Variants in RNF17 observed in about 807,000 individuals in gnomAD.
RNF17 encodes the protein spermatogenesis associated 23.
A neutral mutation model predicts 200.5 loss-of-function variants in RNF17; 31 were observed. The ratio of observed to expected loss-of-function variants is 0.15; its 90% CI spans 0.12 to 0.21. RNF17 has a LOEUF of 0.21. RNF17 is among the 10% of genes least tolerant of loss of function. RNF17 has a pLI of 1.00. For missense variants in RNF17, 1,628 were observed against 1,905.1 expected, an observed-to-expected ratio of 0.85 and a Z score of 2.71; for synonymous variants, 606 against 637.8, an observed-to-expected ratio of 0.95 and a Z score of 0.75.
chr13:24,759,890 C>T (rs149963508), upstream of RNF17, among the ~76,000 whole-genome samples: 11,630 of 152,210 alleles, frequency 0.076, 514 homozygotes, highest in South Asian at 0.15. Context: ...CCTGTAATCC[C>T]AGCACTTTGG....
chr13:24,788,522 T>C lies in RNF17; in HGVS notation c.783+363T>C, dbSNP rs80276368. 5.3e-3 allele frequency among the ~76,000 whole-genome samples: 801 copies of C among 152,212 alleles called. 6 individuals carry two copies. The highest frequency in any genetic ancestry group is 0.018 in the African/African-American group (739 of 41,548). ...GGACAAATAAGGGTAGCAAACTGAA[T>C]AGGACTCTATTTTGTTCACATAAAC... is the stretch of plus-strand genomic sequence containing the variant. On this transcript the variant is annotated intron_variant, in intron 7 of 35. Transcript: ENST00000255324.
intron 9 of RNF17, 127 bp downstream of exon 9, chr13:24,789,899 A>G (rs17399605): frequency 0.059 from 38,033 of 639,856 alleles, 1,461 homozygotes; most frequent in Non-Finnish European, 0.077. Flanking sequence ...TAGTTTCTAT[A>G]GTTAAATTCT....
In RNF17 at chr13:24,788,055, A is replaced by G. The variant is rs1883352647; in HGVS notation, c.679A>G (p.Lys227Glu). The change falls in exon 7 of 36, where the codon AAA becomes GAA. Residue 227 changes from lysine (K) to glutamate (E), a missense_variant. Coordinates refer to ENST00000255324, the MANE Select transcript of RNF17 (RefSeq NM_031277.3). Reference protein sequence around the residue: ...DDYLSNLIKAKSYIEEKKNNL... With the variant: ...DDYLSNLIKAESYIEEKKNNL... ...TTATCTATCAAATTTAATAAAGGCT[A>G]AAAGCTACATTGAAGAGAAAAAAAA... is the stretch of plus-strand genomic sequence containing the variant. 2 of 1,596,830 alleles carry G rather than the reference A, an allele frequency of 1.3e-6. No individual in the cohort carries two copies. Among genetic ancestry groups the G allele is most frequent in the African/African-American group, 2.7e-5 (2 of 73,694 alleles).
At chr13:24,871,144 G>A (rs1894206928) in intron 32 of RNF17, among the ~76,000 whole-genome samples, 1 of 152,198 alleles carries the variant, frequency 6.6e-6, no homozygotes, top group African/African-American at 2.4e-5. Flanking sequence ...GACCTGTTCT[G>A]TCAAGACAGG....
the RNF17 span, chr13:24,750,792 G>A: frequency 3.3e-5 from 5 of 151,502 alleles, no homozygotes; most frequent in Non-Finnish European, 5.9e-5. Context: ...TTTCACTCTC[G>A]AAACAGCAGC....
chr13:24,799,821 T>C (rs950653970), intron 12 of RNF17, among the ~76,000 whole-genome samples: 1 of 152,148 alleles, frequency 6.6e-6, no homozygotes, highest in Non-Finnish European at 1.5e-5. Flanking sequence ...ACTCTTCTTA[T>C]GTCACTTTAA....
chr13:24,793,042 A>G lies in RNF17; in HGVS notation c.936A>G (p.Lys312=), dbSNP rs1168870661. The part of the protein sequence containing the change: ...MGKIEFRDST[K]CYPQENEIRQ... ...CTTATATCTCTGTATTTTTAAACAGATGTTATCCCCAAGAAAATGAAATTA... is the reference window on the plus strand; with the variant it reads ...CTTATATCTCTGTATTTTTAAACAGGTGTTATCCCCAAGAAAATGAAATTA... Residue 312 remains lysine, a splice_region_variant and synonymous_variant, in exon 10 of 36, where the codon AAA becomes AAG. Coordinates refer to ENST00000255324, the MANE Select transcript of RNF17 (RefSeq NM_031277.3). 1 of 1,553,764 alleles carries G rather than the reference A, an allele frequency of 6.4e-7. No individual in the cohort carries two copies. The highest frequency in any genetic ancestry group is 8.8e-7 in the Non-Finnish European group (1 of 1,141,860).
chr13:24,800,281 C>A, intron 12 of RNF17, 85 bp from the exon 13 acceptor site: 3 of 904,978 alleles, frequency 3.3e-6, no homozygotes, highest in East Asian at 2.5e-5. Context: ...AAAAATTATA[C>A]TTAGAAATGC....
At chr13:24,799,651 G>A in intron 12 of RNF17, 67 bp downstream of exon 12, 1 of 970,350 alleles carries the variant, frequency 1.0e-6, no homozygotes. Context: ...TGGAGTTAAA[G>A]AATAAAGGAA....
chr13:24,812,684 C>G (rs1463490949), intron 15 of RNF17, among the ~76,000 whole-genome samples: 1 of 86,900 alleles, frequency 1.2e-5, no homozygotes, highest in South Asian at 5.1e-4. Flanking sequence ...GCCCCACCCC[C>G]TTTTTTTTTT....
intron 5 of RNF17, among the ~76,000 whole-genome samples, chr13:24,780,354 C>G (rs933525547): frequency 6.6e-6 from 1 of 152,070 alleles, no homozygotes; most frequent in African/African-American, 2.4e-5. Flanking sequence ...ATAATGTCAC[C>G]TGTGATAAGC....
At chr13:24,802,592 TAAA>T in intron 14 of RNF17, 21 bp downstream of exon 14, 1 of 1,567,258 alleles carries the variant, frequency 6.4e-7, no homozygotes, top group Non-Finnish European at 8.7e-7. Flanking sequence ...TATTAAAACT[TAAA>T]TATTCTTTGA....
intron 18 of RNF17, among the ~76,000 whole-genome samples, chr13:24,838,259 G>A (rs1159156671): frequency 1.3e-5 from 2 of 151,982 alleles, no homozygotes; most frequent in African/African-American, 2.4e-5. Context: ...CCAGACAATC[G>A]AAGAATTGGT....
intron 15 of RNF17, 49 bp downstream of exon 15, chr13:24,804,478 T>C (rs1277042792): frequency 2.8e-6 from 4 of 1,412,898 alleles, no homozygotes; most frequent in Non-Finnish European, 3.9e-6. Flanking sequence ...AAAATTTTAA[T>C]TAGACATGTA....
At chr13:24,885,325 T>G in the RNF17 span, 1 of 1,614,020 alleles carries the variant, frequency 6.2e-7, no homozygotes, top group East Asian at 2.2e-5. Context: ...GTCTTCCTCC[T>G]CCTCTTTATA....
rs539823108 is a variant in RNF17 at position 24,821,923 on chromosome 13, A to C, written c.2092-3696A>C. ...AAGAAAGTTAAGGACACGGACACAC[A>C]TGAGGAGTTTAGGAGTGGCGGTTTA... On this transcript the variant is annotated intron_variant, in intron 15 of 35. Coordinates refer to ENST00000255324, the MANE Select transcript of RNF17 (RefSeq NM_031277.3). Among the ~76,000 whole-genome samples, 4 of 152,274 alleles carry C rather than the reference A, an allele frequency of 2.6e-5. No homozygotes were observed. The East Asian group carries it at 7.7e-4, about 29-fold the overall frequency.
chr13:24,870,816 G>A (rs1894172648), intron 32 of RNF17, 77 bp downstream of exon 32: 3 of 1,186,258 alleles, frequency 2.5e-6, no homozygotes, highest in Admixed American at 4.1e-5. Flanking sequence ...ATGACCTTGG[G>A]CTATCTCTAA....
intron 15 of RNF17, chr13:24,824,238 T>C: frequency 1.4e-6 from 1 of 713,950 alleles, no homozygotes; most frequent in Non-Finnish European, 2.6e-6. Flanking sequence ...TTCTCATTTT[T>C]TCAATGTTTC....
intron 2 of RNF17, among the ~76,000 whole-genome samples, chr13:24,771,953 G>A (rs1017308110): frequency 6.6e-5 from 10 of 151,832 alleles, no homozygotes; most frequent in Non-Finnish European, 1.3e-4. Context: ...GCAGTGAGCC[G>A]AGATCGCACT....
Sources: gnomAD v4.1 joint callset for allele counts (sites outside exome capture counted in the v4.1 genomes callset) on GRCh38, gnomAD v4.1.1 for gene constraint, MANE v1.5 for transcripts, NCBI Gene and HGNC (gene_info 2026-07-23, HGNC 2026-07-21) for gene names.